MRC1: variants seen among roughly 807,000 people sequenced by gnomAD.
MRC1 encodes macrophage mannose receptor 1.
A neutral mutation model predicts 102.9 loss-of-function variants in MRC1; 62 were observed. The ratio of observed to expected loss-of-function variants is 0.60; its 90% CI spans 0.49 to 0.74. The LOEUF (loss-of-function observed/expected upper bound fraction) is 0.74, where lower values mean the gene tolerates loss of function less well. Among genes scored for constraint, MRC1 ranks in the 30% least tolerant of loss-of-function variants. The pLI is 0.00. For missense variants in MRC1, 1,237 were observed against 862.8 expected (o/e 1.43, Z -5.43); for synonymous variants, 457 against 298.4 (o/e 1.53, Z -5.48).
rs1833641212 is a variant in MRC1, at chr10:17,889,207, T to G, written c.3147+3772T>G. ...TACCAATATCTGAGTCTTTGTCTATTAATTTGTGTAGTTAGACCATTAACA... is the reference window on the plus strand; with the variant it reads ...TACCAATATCTGAGTCTTTGTCTATGAATTTGTGTAGTTAGACCATTAACA... On this transcript the variant is annotated intron_variant, in intron 22 of 29. Transcript: ENST00000569591. Among the ~76,000 whole-genome samples, 3 of 152,348 alleles carry G rather than the reference T, an allele frequency of 2.0e-5. 1 individual carries two copies. Among genetic ancestry groups the G allele is most frequent in the African/African-American group, 7.2e-5 (3 of 41,584 alleles).
intron 26 of MRC1, among the ~76,000 whole-genome samples, chr10:17,903,392 C>CTTTTTTTTTTTTTTTTTTT (rs35118275): frequency 3.9e-4 from 35 of 88,860 alleles, no homozygotes; most frequent in Non-Finnish European, 5.7e-4. Flanking sequence ...CTTTTTTTTT[C>CTTTTTTTTTTTTTTTTTTT]TTTTTTTTTT....
Position 17,849,874 on chromosome 10 carries a change from A to AAT in MRC1, c.1249+112_1249+113dup. 3 of 621,934 alleles carry AAT rather than the reference A, an allele frequency of 4.8e-6. No homozygotes were observed. In the South Asian group the frequency reaches 6.9e-5, roughly 14 times the overall value. The allele number at this position is 621,934 out of a possible 1,614,324, so 38.5% of individuals were successfully genotyped here. ...ACATCAAATTTAATCAATGTAAATC[A>AAT]ATAATTCAACGAACAACGTATGAAT... On this transcript the variant is annotated intron_variant, in intron 7 of 29. Coordinates refer to ENST00000569591, the MANE Select transcript of MRC1 (RefSeq NM_002438.4).
At chr10:17,871,037 T>C in intron 14 of MRC1, 102 bp downstream of exon 14, 2 of 774,266 alleles carry the variant, frequency 2.6e-6, no homozygotes, top group Non-Finnish European at 4.6e-6. Flanking sequence ...CAGTTCATTA[T>C]GATAGCCACT....
At chr10:17,900,759 C>A (rs1470943008) in intron 24 of MRC1, 29 bp from the exon 25 acceptor site, 5 of 780,554 alleles carry the variant, frequency 6.4e-6, no homozygotes, top group Non-Finnish European at 1.2e-5. Context: ...AGCAAGGCTG[C>A]ATGTTAATGC....
intron 3 of MRC1, 61 bp from the exon 4 acceptor site, chr10:17,833,614 C>A (rs1838615412): frequency 1.3e-6 from 1 of 776,300 alleles, no homozygotes. Context: ...TTAAATAATA[C>A]TATTCACTGG....
At position 17,831,663 on chromosome 10, in the gene MRC1, G is replaced by A. The variant is rs1460629418; in HGVS notation, c.638-2012G>A. Among the ~76,000 whole-genome samples, 6 of 151,592 alleles carry A rather than the reference G, an allele frequency of 4.0e-5. No individual in the cohort carries two copies. The East Asian group carries it at 9.6e-4, about 24-fold the overall frequency. On this transcript the variant is annotated intron_variant, in intron 3 of 29. Transcript: ENST00000569591. ...GAGTATTTCTCAGAACATTTTCAGA[G>A]AAGTTATATAATACTTCCTTTTTTC...
intron 9 of MRC1, 99 bp from the exon 10 acceptor site, chr10:17,861,288 G>A (rs961829239): frequency 8.0e-6 from 5 of 624,090 alleles, no homozygotes; most frequent in Admixed American, 7.6e-5. Flanking sequence ...ACTCCAGCCT[G>A]GGCGACAAGA....
intron 23 of MRC1, among the ~76,000 whole-genome samples, chr10:17,894,991 A>G (rs1833735606): frequency 1.3e-5 from 2 of 152,160 alleles, no homozygotes; most frequent in African/African-American, 4.8e-5. Context: ...TGGTTAACAC[A>G]GTGAAATCCC....
intron 11 of MRC1, among the ~76,000 whole-genome samples, chr10:17,864,610 C>T (rs2130665654): frequency 6.6e-6 from 1 of 152,048 alleles, no homozygotes; most frequent in Non-Finnish European, 1.5e-5. Flanking sequence ...GGGCAGATCA[C>T]CTGAGGTCAG....
chr10:17,852,927 C>A, intron 7 of MRC1, 40 bp from the exon 8 acceptor site: 3 of 780,738 alleles, frequency 3.8e-6, no homozygotes, highest in Non-Finnish European at 7.2e-6. Flanking sequence ...CTTTGGAAAG[C>A]AACCCTTGTA....
intron 16 of MRC1, 100 bp downstream of exon 16, chr10:17,873,925 C>G (rs1458347157): frequency 1.2e-6 from 1 of 800,728 alleles, no homozygotes; most frequent in Admixed American, 1.8e-5. Context: ...AGGTAGAGAG[C>G]AGAAGTCCTT....
At position 17,823,399 on chromosome 10, in the gene MRC1, C is replaced by A. The variant is rs1215767443; in HGVS notation, c.387C>A (p.Leu129=). 10 of 780,704 alleles carry A rather than the reference C, an allele frequency of 1.3e-5. No individual in the cohort carries two copies. Among genetic ancestry groups the A allele is most frequent in the Non-Finnish European group, 2.4e-5 (10 of 417,966 alleles). 48.4% of individuals were successfully genotyped at this position (780,704 alleles called of 1,614,324 possible). The change falls in exon 2 of 30, where the codon CTC becomes CTA. Residue 129 remains leucine, a synonymous_variant. Coordinates refer to ENST00000569591, the MANE Select transcript of MRC1 (RefSeq NM_002438.4). Reference sequence around the variant, plus strand: ...ACAGACAAGAAAAGAATATTATGCTCTACAAGGGATCGGGTTTATGGAGCA... The same window carrying A: ...ACAGACAAGAAAAGAATATTATGCTATACAAGGGATCGGGTTTATGGAGCA... The part of the protein sequence containing the change: ...YGNRQEKNIM[L]YKGSGLWSRW...
rs1833835038 is a variant in MRC1, at chr10:17,901,970, C to T, written c.3650-3C>T. On this transcript the variant is annotated splice_region_variant and splice_polypyrimidine_tract_variant and intron_variant, in intron 25 of 29. Transcript: ENST00000569591. ...TTTATTTAAAATGTGTTTTTATTAA[C>T]AGAAATCCCTGCTACTGAACCCCCA... 2 of 780,788 alleles carry T rather than the reference C, an allele frequency of 2.6e-6. No homozygotes were observed. The highest frequency in any genetic ancestry group is 2.7e-5 in the South Asian group (2 of 74,614). The allele number at this position is 780,788 out of a possible 1,614,324, so 48.4% of individuals were successfully genotyped here. A position where few individuals can be genotyped will look rare whatever the true frequency, so the allele number is the denominator to read the frequency against.
intron 4 of MRC1, among the ~76,000 whole-genome samples, chr10:17,835,546 A>G (rs2130616308): frequency 6.6e-6 from 1 of 152,072 alleles, no homozygotes; most frequent in South Asian, 2.1e-4. Context: ...AGATCGCGTC[A>G]GAGGGGGAAA....
intron 4 of MRC1, among the ~76,000 whole-genome samples, chr10:17,839,606 G>A (rs1392631595): frequency 8.6e-5 from 13 of 151,896 alleles, no homozygotes; most frequent in African/African-American, 3.1e-4. Context: ...CCCAGGAGTT[G>A]GAGAGCAACC....
intron 8 of MRC1, chr10:17,854,916 C>T (rs1383427396): frequency 6.5e-6 from 1 of 152,834 alleles, no homozygotes; most frequent in Non-Finnish European, 1.5e-5. Flanking sequence ...GTCTTGAACT[C>T]CTGACCTCAG....
chr10:17,820,951 T>A (rs1378247081), intron 1 of MRC1, among the ~76,000 whole-genome samples: 3 of 152,186 alleles, frequency 2.0e-5, no homozygotes, highest in Non-Finnish European at 4.4e-5. Flanking sequence ...GGTAGAAAAT[T>A]ACTCATTTTG....
intron 12 of MRC1, among the ~76,000 whole-genome samples, chr10:17,868,223 A>C (rs1434318028): frequency 6.6e-6 from 1 of 152,204 alleles, no homozygotes; most frequent in Non-Finnish European, 1.5e-5. Flanking sequence ...ACTGCTATAA[A>C]GTTACTACCC....
At chr10:17,876,664 A>G (rs926940670) in intron 17 of MRC1, among the ~76,000 whole-genome samples, 1 of 152,210 alleles carries the variant, frequency 6.6e-6, no homozygotes, top group Non-Finnish European at 1.5e-5. Flanking sequence ...TAGTTGTTAT[A>G]TGTCAGTCCT....
Sources: gnomAD v4.1 joint callset for allele counts (sites outside exome capture counted in the v4.1 genomes callset) on GRCh38, gnomAD v4.1.1 for gene constraint, MANE v1.5 for transcripts, NCBI Gene and HGNC (gene_info 2026-07-23, HGNC 2026-07-21) for gene names.